Variants in PDZRN4 observed in about 807,000 individuals in gnomAD.
PDZRN4 encodes the protein PDZ domain-containing RING finger protein 4.
A neutral mutation model predicts 99.0 loss-of-function variants in PDZRN4; 70 were observed. The observed-to-expected ratio is 0.71, with a 90% CI of 0.58 to 0.86. PDZRN4 has a LOEUF of 0.86. Among genes scored for constraint, PDZRN4 ranks in the 40% least tolerant of loss-of-function variants. The pLI is 0.00. For synonymous variants in PDZRN4, 551 were observed against 501.6 expected, an observed-to-expected ratio of 1.10 and a Z score of -1.32; for missense variants, 1,474 against 1,331.2, an observed-to-expected ratio of 1.11 and a Z score of -1.67.
At chr12:41,372,516 C>A (rs1480553529) in intron 3 of PDZRN4, among the ~76,000 whole-genome samples, 1 of 152,018 alleles carries the variant, frequency 6.6e-6, no homozygotes, top group African/African-American at 2.4e-5. Context: ...CTCAGAGGAA[C>A]TTACATAAAA....
intron 3 of PDZRN4, among the ~76,000 whole-genome samples, chr12:41,451,972 A>G (rs560698923): frequency 6.6e-6 from 1 of 152,312 alleles, no homozygotes; most frequent in South Asian, 2.1e-4. Flanking sequence ...TCTGTGTTTC[A>G]TAGATCACAG....
intron 3 of PDZRN4, among the ~76,000 whole-genome samples, chr12:41,209,874 G>C (rs1211973478): frequency 6.7e-6 from 1 of 149,052 alleles, no homozygotes; most frequent in Non-Finnish European, 1.5e-5. Context: ...TAACGGGATG[G>C]CTGGGTCAAA....
intron 3 of PDZRN4, among the ~76,000 whole-genome samples, chr12:41,474,912 G>A (rs981428320): frequency 3.3e-5 from 5 of 152,104 alleles, no homozygotes; most frequent in African/African-American, 1.2e-4. Context: ...TAAAACTATC[G>A]GATATAAAAG....
chr12:41,308,334 C>G (rs139066465), intron 3 of PDZRN4, among the ~76,000 whole-genome samples: 19 of 152,146 alleles, frequency 1.2e-4, no homozygotes, highest in Admixed American at 1.1e-3. Flanking sequence ...TAATTTGCAC[C>G]TTGACTTGTG....
chr12:41,373,199 C>A (rs1046754667), intron 3 of PDZRN4, among the ~76,000 whole-genome samples: 1 of 147,630 alleles, frequency 6.8e-6, no homozygotes, highest in East Asian at 2.0e-4. Flanking sequence ...CACAGGACCA[C>A]AGGACCGGGG....
intron 3 of PDZRN4, among the ~76,000 whole-genome samples, chr12:41,244,485 A>G (rs898568942): frequency 6.6e-6 from 1 of 151,976 alleles, no homozygotes; most frequent in African/African-American, 2.4e-5. Context: ...CCATTGTTCT[A>G]CATGATCTGC....
chr12:41,340,318 G>C (rs1198777783), intron 3 of PDZRN4, among the ~76,000 whole-genome samples: 1 of 151,956 alleles, frequency 6.6e-6, no homozygotes, highest in Non-Finnish European at 1.5e-5. Context: ...AGTGAAGTAA[G>C]CCAGGCACAG....
rs569338575 is a variant in PDZRN4 at position 41,238,264 on chromosome 12, C to G, written c.843+44076C>G. On this transcript the variant is annotated intron_variant, in intron 3 of 9. Coordinates refer to ENST00000402685, the MANE Select transcript of PDZRN4 (RefSeq NM_001164595.2). ...ATGATAGTTCATTCATGATTTGGCT[C>G]TCTCTGCTTGCCTGCTGTTGATGTA... is the stretch of plus-strand genomic sequence containing the variant. 2.0e-5 allele frequency among the ~76,000 whole-genome samples: 3 copies of G among 152,156 alleles called. No individual in the cohort carries two copies. The East Asian group carries it at 5.8e-4, about 30-fold the overall frequency.
chr12:41,317,499 G>A (rs1386049278), intron 3 of PDZRN4, among the ~76,000 whole-genome samples: 6 of 152,078 alleles, frequency 3.9e-5, no homozygotes. Flanking sequence ...GAGATATCTA[G>A]ACTGGTATAA....
chr12:41,232,534 A>G (rs573011719), intron 3 of PDZRN4, among the ~76,000 whole-genome samples: 1 of 152,168 alleles, frequency 6.6e-6, no homozygotes, highest in African/African-American at 2.4e-5. Context: ...ACATCAGGAG[A>G]GGGATAACAA....
At chr12:41,226,650 A>C (rs1237752772) in intron 3 of PDZRN4, among the ~76,000 whole-genome samples, 2 of 152,194 alleles carry the variant, frequency 1.3e-5, no homozygotes. Context: ...CTGATGTATA[A>C]AACAGTGAAG....
intron 3 of PDZRN4, among the ~76,000 whole-genome samples, chr12:41,376,593 T>C (rs1952082665): frequency 6.6e-6 from 1 of 152,206 alleles, no homozygotes; most frequent in African/African-American, 2.4e-5. Context: ...TTTTATTCTA[T>C]TGAGTTGTAC....
At chr12:41,398,535 A>C (rs1952266848) in intron 3 of PDZRN4, among the ~76,000 whole-genome samples, 1 of 152,184 alleles carries the variant, frequency 6.6e-6, no homozygotes, top group Admixed American at 6.5e-5. Flanking sequence ...CATAACCAAA[A>C]GATTCATGGT....
chr12:41,191,837 C>T (rs1484566445), intron 2 of PDZRN4, among the ~76,000 whole-genome samples: 1 of 151,850 alleles, frequency 6.6e-6, no homozygotes, highest in Non-Finnish European at 1.5e-5. Flanking sequence ...GGCTAGAGTG[C>T]AGTGGCACGA....
chr12:41,428,771 A>G (rs1347783128), intron 3 of PDZRN4, among the ~76,000 whole-genome samples: 1 of 152,206 alleles, frequency 6.6e-6, no homozygotes, highest in African/African-American at 2.4e-5. Context: ...TCCTCACACC[A>G]TTAGAAACTC....
intron 3 of PDZRN4, among the ~76,000 whole-genome samples, chr12:41,370,728 A>C (rs199544498): frequency 1.3e-5 from 2 of 151,932 alleles, no homozygotes; most frequent in African/African-American, 4.8e-5. Flanking sequence ...CTTGGTCTTC[A>C]TAATTACCTG....
chr12:41,419,807 C>T (rs144855511), intron 3 of PDZRN4, among the ~76,000 whole-genome samples: 9 of 152,282 alleles, frequency 5.9e-5, no homozygotes, highest in Non-Finnish European at 1.2e-4. Context: ...CAGATGCATG[C>T]AGCACATGCA....
intron 3 of PDZRN4, among the ~76,000 whole-genome samples, chr12:41,324,648 T>C (rs905182211): frequency 3.9e-5 from 6 of 152,094 alleles, no homozygotes; most frequent in Admixed American, 6.6e-5. Context: ...CAGATAGGTA[T>C]TAGGTTGGTG....
intron 3 of PDZRN4, among the ~76,000 whole-genome samples, chr12:41,400,452 G>T (rs1277828692): frequency 6.6e-6 from 1 of 152,086 alleles, no homozygotes; most frequent in Non-Finnish European, 1.5e-5. Context: ...CACTTTCGAG[G>T]CACCATCAAG....
Sources: allele counts gnomAD v4.1 joint callset (sites outside exome capture counted in the v4.1 genomes callset), GRCh38; gene constraint gnomAD v4.1.1; transcripts MANE v1.5; gene names NCBI Gene and HGNC (gene_info 2026-07-23, HGNC 2026-07-21).